The following CACNA2D3 variants were observed in gnomAD, a reference collection of about 807,000 sequenced individuals.
CACNA2D3 encodes calcium voltage-gated channel auxiliary subunit alpha2delta 3, also known as voltage-dependent calcium channel subunit alpha-2/delta-3.
In CACNA2D3, 60 loss-of-function variants were observed where a neutral mutation model predicts 160.6. That is an observed-to-expected ratio of 0.37 (90% CI 0.30 to 0.46). CACNA2D3 has a LOEUF of 0.46. Among genes scored for constraint, CACNA2D3 ranks in the 20% least tolerant of loss-of-function variants. CACNA2D3 has a pLI of 1.00. For missense variants in CACNA2D3, 1,205 were observed against 1,365.0 expected (o/e 0.88, Z 1.85); for synonymous variants, 558 against 492.9 (o/e 1.13, Z -1.75).
At chr3:54,161,260 C>A (rs79822080) in intron 2 of CACNA2D3, among the ~76,000 whole-genome samples, 3,679 of 152,288 alleles carry the variant, frequency 0.024, 163 homozygotes, top group African/African-American at 0.084. Context: ...CCACTGAACT[C>A]CCCCTTCACC....
At chr3:54,555,571 T>G (rs749361439) in intron 5 of CACNA2D3, among the ~76,000 whole-genome samples, 4 of 152,226 alleles carry the variant, frequency 2.6e-5, no homozygotes, top group Non-Finnish European at 5.9e-5. Flanking sequence ...GGAGGCGCTC[T>G]TCACATACAA....
At chr3:54,920,743 G>C (rs1700821177) in intron 27 of CACNA2D3, among the ~76,000 whole-genome samples, 1 of 152,212 alleles carries the variant, frequency 6.6e-6, no homozygotes, top group Non-Finnish European at 1.5e-5. Context: ...AGAGAGCATG[G>C]AGACTTCTAT....
intron 2 of CACNA2D3, among the ~76,000 whole-genome samples, chr3:54,242,510 G>A (rs1207308565): frequency 5.3e-5 from 8 of 152,016 alleles, no homozygotes; most frequent in African/African-American, 1.9e-4. Flanking sequence ...CAATATGTCA[G>A]CACCACCACT....
chr3:54,812,939 C>T (rs1447522998), intron 13 of CACNA2D3, among the ~76,000 whole-genome samples: 2 of 152,120 alleles, frequency 1.3e-5, no homozygotes, highest in African/African-American at 2.4e-5. Flanking sequence ...TAGCCAGGTC[C>T]CTGGTTTAAG....
intron 11 of CACNA2D3, among the ~76,000 whole-genome samples, chr3:54,691,019 T>C (rs1700560858): frequency 6.6e-6 from 1 of 152,132 alleles, no homozygotes; most frequent in Non-Finnish European, 1.5e-5. Context: ...TGGTTGAGCT[T>C]TTCTCTGATT....
At chr3:54,618,131 C>G (rs2106798631) in intron 9 of CACNA2D3, among the ~76,000 whole-genome samples, 1 of 151,654 alleles carries the variant, frequency 6.6e-6, no homozygotes, top group Middle Eastern at 3.4e-3. Flanking sequence ...TCTACATTAT[C>G]TTATTAAGTC....
At chr3:54,873,667 A>G (rs781486969) in intron 18 of CACNA2D3, among the ~76,000 whole-genome samples, 3 of 152,128 alleles carry the variant, frequency 2.0e-5, no homozygotes, top group African/African-American at 4.8e-5. Flanking sequence ...TGTCTGTCCA[A>G]CTTCAGAGTT....
chr3:54,372,866 AG>A (rs1304012292), intron 3 of CACNA2D3, among the ~76,000 whole-genome samples: 1 of 152,234 alleles, frequency 6.6e-6, no homozygotes, highest in Non-Finnish European at 1.5e-5. Flanking sequence ...TTGGTTCCAG[AG>A]GGTGAAAATG....
At chr3:54,431,415 A>G (rs994008807) in intron 4 of CACNA2D3, among the ~76,000 whole-genome samples, 3 of 152,146 alleles carry the variant, frequency 2.0e-5, no homozygotes, top group East Asian at 1.9e-4. Flanking sequence ...TGGATCAATC[A>G]TAAAGGTTTT....
chr3:55,041,770 C>A (rs1703965979), intron 35 of CACNA2D3, among the ~76,000 whole-genome samples: 1 of 151,726 alleles, frequency 6.6e-6, no homozygotes, highest in East Asian at 1.9e-4. Context: ...ATTTTTAGAT[C>A]ATTTTTATTC....
chr3:54,344,695 C>T (rs1344184810), intron 3 of CACNA2D3, among the ~76,000 whole-genome samples: 1 of 152,060 alleles, frequency 6.6e-6, no homozygotes. Flanking sequence ...TCAGTTTCCC[C>T]ATGAGTACAG....
chr3:54,811,087 A>G (rs564564458), intron 13 of CACNA2D3, among the ~76,000 whole-genome samples: 4 of 152,078 alleles, frequency 2.6e-5, no homozygotes, highest in African/African-American at 9.7e-5. Flanking sequence ...AACCTCATCT[A>G]CGTGCAGACA....
intron 28 of CACNA2D3, among the ~76,000 whole-genome samples, chr3:54,968,830 T>G (rs1702211040): frequency 6.6e-6 from 1 of 152,232 alleles, no homozygotes; most frequent in South Asian, 2.1e-4. Context: ...CTCCTAATCC[T>G]GTGGTCGTGC....
chr3:54,371,139 C>T (rs992238292), intron 3 of CACNA2D3, among the ~76,000 whole-genome samples: 23 of 151,974 alleles, frequency 1.5e-4, no homozygotes, highest in African/African-American at 4.1e-4. Context: ...GGGTTGTTTC[C>T]ACCTTTTGGC....
chr3:54,923,396 C>T (rs1358004866), intron 27 of CACNA2D3, among the ~76,000 whole-genome samples: 4 of 152,140 alleles, frequency 2.6e-5, no homozygotes, highest in Non-Finnish European at 5.9e-5. Context: ...TCTCATGGCT[C>T]ATTCCTCCTC....
At chr3:54,785,755 A>G (rs748624187) in intron 13 of CACNA2D3, among the ~76,000 whole-genome samples, 20 of 152,208 alleles carry the variant, frequency 1.3e-4, no homozygotes, top group Middle Eastern at 3.2e-3. Context: ...AGTGGCCCAG[A>G]TCCTTGTTAT....
At chr3:54,933,041 A>C (rs186369598) in intron 27 of CACNA2D3, among the ~76,000 whole-genome samples, 2,898 of 147,108 alleles carry the variant, frequency 0.02, 131 homozygotes, top group African/African-American at 0.072. Context: ...TCTTCCATCC[A>C]TCCATCCCTC....
At chr3:54,836,400 AATTTTTTGTATTTTTAGTAGAG>A (rs1698688917) in intron 14 of CACNA2D3, among the ~76,000 whole-genome samples, 1 of 151,522 alleles carries the variant, frequency 6.6e-6, no homozygotes, top group African/African-American at 2.4e-5. Flanking sequence ...ACACCTGGCT[AATTTTTTGTATTTTTAGTAGAG>A]ACGGGGTTTC....
chr3:54,249,355 G>T (rs961823495), intron 2 of CACNA2D3, among the ~76,000 whole-genome samples: 1 of 152,068 alleles, frequency 6.6e-6, no homozygotes, highest in East Asian at 1.9e-4. Flanking sequence ...TAATGTGGGT[G>T]GGCCTTGTCT....
Sources: allele counts gnomAD v4.1 joint callset (sites outside exome capture counted in the v4.1 genomes callset), GRCh38; gene constraint gnomAD v4.1.1; transcripts MANE v1.5; gene names NCBI Gene and HGNC (gene_info 2026-07-23, HGNC 2026-07-21).